The following SHF variants were observed in gnomAD, a reference collection of about 807,000 sequenced individuals.
SHF encodes the protein SH2 domain-containing adapter protein F.
In SHF, 30 loss-of-function variants were observed where a neutral mutation model predicts 42.4. That is an observed-to-expected ratio of 0.71 (90% CI 0.53 to 0.96). SHF has a LOEUF of 0.96. Ranked by LOEUF, SHF falls within the 40% of genes least tolerant of loss-of-function variation. The pLI is 0.00. For synonymous variants in SHF, 264 were observed against 269.9 expected, an observed-to-expected ratio of 0.98 and a Z score of 0.21; for missense variants, 598 against 634.0, an observed-to-expected ratio of 0.94 and a Z score of 0.61.
At chr15:45,171,818 G>A (rs903150336) in intron 6 of SHF, 65 bp downstream of exon 6, 1 of 1,549,258 alleles carries the variant, frequency 6.5e-7, no homozygotes, top group Admixed American at 1.8e-5. Context: ...TTGGGCATAA[G>A]GGGAATACTG....
intron 4 of SHF, 93 bp downstream of exon 4, chr15:45,173,483 A>G: frequency 7.0e-7 from 1 of 1,420,590 alleles, no homozygotes; most frequent in Non-Finnish European, 9.2e-7. Flanking sequence ...GGGTCTCCAA[A>G]TCCTGCCCCA....
At chr15:45,171,713 C>CT (rs759128633) in intron 6 of SHF, 170 bp downstream of exon 6, 2 of 677,466 alleles carry the variant, frequency 3.0e-6, no homozygotes, top group South Asian at 1.9e-5. Flanking sequence ...CCAATGGACT[C>CT]TGAGCTCCTT....
At chr15:45,170,227 G>C (rs573320129) in intron 6 of SHF, 11 of 566,712 alleles carry the variant, frequency 1.9e-5, no homozygotes, top group South Asian at 1.3e-4. Context: ...ATCCTGGTTT[G>C]GGGACTTTAT....
At chr15:45,170,529 A>T in intron 6 of SHF, 1 of 1,022,126 alleles carries the variant, frequency 9.8e-7, no homozygotes, top group Non-Finnish European at 1.3e-6. Flanking sequence ...AAAGGTAGAA[A>T]CCGAGGCTCG....
chr15:45,167,917 C>T lies in SHF; in HGVS notation c.*30G>A, dbSNP rs1897300360. On this transcript the variant is annotated 3_prime_UTR_variant, in exon 7 of 7. Transcript: ENST00000690270. ...CAGGTGATGGGCACAGGGCTGGGTACAGGTCTATCACAGTGCCCTGGCTTC... is the reference window on the plus strand; with the variant it reads ...CAGGTGATGGGCACAGGGCTGGGTATAGGTCTATCACAGTGCCCTGGCTTC... The T allele has an allele frequency of 6.5e-7, 1 of 1,544,366 alleles. No homozygotes were observed. The highest frequency in any genetic ancestry group is 1.3e-5 in the South Asian group (1 of 78,698).
chr15:45,198,630 G>C (rs1387505732), intron 2 of SHF: 5 of 1,058,130 alleles, frequency 4.7e-6, no homozygotes, highest in Admixed American at 2.7e-5. Context: ...TTCGAACCGA[G>C]GTTGCTGCGG....
intron 6 of SHF, chr15:45,170,649 T>C (rs8034761): frequency 0.25 from 68,137 of 268,484 alleles, 6,198 homozygotes; most frequent in Admixed American, 0.33. Context: ...CTTTTTCTTT[T>C]TTTTTTTTTT....
chr15:45,198,803 A>C (rs779505872), exon 2 of SHF: 1 of 1,613,788 alleles, frequency 6.2e-7, no homozygotes, highest in South Asian at 1.1e-5. Flanking sequence ...CCTGAGTCTG[A>C]TAATGCGCAG....
At chr15:45,180,047 T>C (rs115120588) in intron 1 of SHF, among the ~76,000 whole-genome samples, 109 of 152,286 alleles carry the variant, frequency 7.2e-4, no homozygotes, top group African/African-American at 2.6e-3. Context: ...GTTCTATTCA[T>C]GCCCTCAGCT....
Position 45,178,420 on chromosome 15 carries a change from G to T in SHF, c.499-114C>A, listed in dbSNP as rs772253885. The T allele has an allele frequency of 1.6e-3, 2,050 of 1,257,584 alleles. 5 individuals carry two copies. Among genetic ancestry groups the T allele is most frequent in the Admixed American group, 2.5e-3 (87 of 34,198 alleles). The allele number at this position is 1,257,584 out of a possible 1,614,324, so 77.9% of individuals were successfully genotyped here. A position where few individuals can be genotyped will look rare whatever the true frequency, so the allele number is the denominator to read the frequency against. The stretch of plus-strand genomic sequence containing the variant: ...TCCCAAGTAGGCTGCCTTCGACCCA[G>T]ACCCCCAGGTACTCAAAGGAAGGCT... On this transcript the variant is annotated intron_variant, in intron 1 of 6. Transcript: ENST00000690270.
chr15:45,177,000 G>C (rs1432694149), intron 2 of SHF, among the ~76,000 whole-genome samples: 6 of 152,156 alleles, frequency 3.9e-5, no homozygotes, highest in African/African-American at 1.4e-4. Context: ...CTGCTAGGGT[G>C]AACCTCCATT....
chr15:45,175,279 G>C lies in SHF; in HGVS notation c.787C>G (p.Pro263Ala). ...TCCCAGGGCTGGTCATACTCCTCAG[G>C]GGGCCTCTCATCATCCTCTGGCAGG... ...SRLPEDDERP[P>A]EEYDQPWEWK... The change falls in exon 3 of 7, where the codon CCT (proline) becomes GCT (alanine). Residue 263 changes from proline (P) to alanine (A), a missense_variant. This residue lies in a region of SHF where 439 missense variants were observed against 524.6 expected (regional missense o/e 0.84). Coordinates refer to ENST00000690270, the MANE Select transcript of SHF (RefSeq NM_001394037.1). The C allele has an allele frequency of 6.2e-7, 1 of 1,612,098 alleles. No individual in the cohort carries two copies. The highest frequency in any genetic ancestry group is 8.5e-7 in the Non-Finnish European group (1 of 1,179,230).
chr15:45,179,911 G>A (rs994127605), intron 1 of SHF, among the ~76,000 whole-genome samples: 2 of 152,142 alleles, frequency 1.3e-5, no homozygotes, highest in African/African-American at 4.8e-5. Flanking sequence ...TAGCAAGGCA[G>A]AGATGAAGAA....
At chr15:45,171,118 T>C (rs1897463452) in intron 6 of SHF, 1 of 153,518 alleles carries the variant, frequency 6.5e-6, no homozygotes, top group South Asian at 2.1e-4. Flanking sequence ...CTACTAGTGA[T>C]GGTGGGGGGC....
At position 45,175,418 on chromosome 15, in the gene SHF, C is replaced by T. The variant is rs766637425; in HGVS notation, c.648G>A (p.Arg216=). The T allele has an allele frequency of 3.2e-6, 5 of 1,580,840 alleles. No homozygotes were observed. The East Asian group carries it at 1.2e-4, about 37-fold the overall frequency. ...GCTGAGTTGCTGTCTCCTTGGAGCC[C>T]CGGATCTCTGCCGGAGCAGGGCAGG... is the stretch of plus-strand genomic sequence containing the variant. ...YEAQKMMAEI[R]GSKETATQPL... The change falls in exon 3 of 7, where the codon CGG becomes CGA. Residue 216 remains arginine (R), a synonymous_variant. Transcript: ENST00000690270.
chr15:45,176,698 C>A (rs1417294110), intron 2 of SHF, among the ~76,000 whole-genome samples: 1 of 152,070 alleles, frequency 6.6e-6, no homozygotes, highest in South Asian at 2.1e-4. Context: ...TTCTCCAAAG[C>A]TAGTAGTTCT....
rs140199133 is a variant in SHF, at chr15:45,178,278, G to A, written c.527C>T (p.Pro176Leu). 1,800 of 1,613,958 alleles carry A rather than the reference G, an allele frequency of 1.1e-3. 12 individuals are homozygous for A. The highest frequency in any genetic ancestry group is 7.3e-3 in the South Asian group (669 of 91,086). Residue 176 changes from proline (P) to leucine (L), a missense_variant, in exon 2 of 7, where the codon CCG (proline) becomes CTG (leucine). Coordinates refer to ENST00000690270, the MANE Select transcript of SHF (RefSeq NM_001394037.1). ...RLAILEDYADPFDVQETGEGS... is the reference protein window; with the variant it reads ...RLAILEDYADLFDVQETGEGS... The stretch of plus-strand genomic sequence containing the variant: ...TTCGCCAGTCTCCTGAACATCAAAC[G>A]GGTCCGCATAGTCTTCTAGGATAGC...
chr15:45,187,471 G>T lies in SHF; in HGVS notation c.481C>A (p.Pro161Thr), dbSNP rs1898488357. ...GCACTCACCCTATCGCTGCTGGCGG[G>T]GGGTCCGGAGATCCGCTCATCAGCA... The part of the protein sequence containing the change: ...PPADERISGP[P>T]ASSDRLAILE... Residue 161 changes from proline (P) to threonine (T), a missense_variant, in exon 1 of 7, where the codon CCC becomes ACC. Physicochemically the swap from Pro to Thr is conservative, Grantham distance 38. Around this residue, in one of 2 missense-constraint regions of SHF, gnomAD observed 439 missense variants for 524.6 expected, o/e 0.84. Transcript: ENST00000690270. 8.1e-7 allele frequency: 1 copy of T among 1,232,586 alleles called. No homozygotes were observed. Among genetic ancestry groups the T allele is most frequent in the Non-Finnish European group, 1.0e-6 (1 of 988,104 alleles). The allele number at this position is 1,232,586 out of a possible 1,614,324, so 76.4% of individuals were successfully genotyped here. A position where few individuals can be genotyped will look rare whatever the true frequency, so the allele number is the denominator to read the frequency against.
chr15:45,172,586 G>A (rs1897565227), intron 4 of SHF, among the ~76,000 whole-genome samples: 2 of 152,200 alleles, frequency 1.3e-5, no homozygotes, highest in Admixed American at 1.3e-4. Context: ...GGAGCAACCT[G>A]AGAAACCATG....
Sources: allele counts gnomAD v4.1 joint callset (sites outside exome capture counted in the v4.1 genomes callset), GRCh38; gene constraint gnomAD v4.1.1; regional missense constraint gnomAD v4.1.1; transcripts MANE v1.5; gene names NCBI Gene and HGNC (gene_info 2026-07-23, HGNC 2026-07-21).